Variants in PHYHD1 observed in about 807,000 individuals in gnomAD.
PHYHD1 encodes phytanoyl-CoA dioxygenase domain-containing protein 1.
A neutral mutation model predicts 43.6 loss-of-function variants in PHYHD1; 42 were observed. The ratio of observed to expected loss-of-function variants is 0.96; its 90% CI spans 0.75 to 1.25. The LOEUF (loss-of-function observed/expected upper bound fraction) is 1.25, where lower values mean the gene tolerates loss of function less well. Ranked by LOEUF, PHYHD1 falls within the 50% of genes most tolerant of loss-of-function variation. The pLI is 0.00. For missense variants in PHYHD1, 342 were observed against 370.8 expected, an observed-to-expected ratio of 0.92 and a Z score of 0.64; for synonymous variants, 139 against 143.6, an observed-to-expected ratio of 0.97 and a Z score of 0.23.
At chr9:128,922,181 G>T in intron 2 of PHYHD1, 102 bp from the exon 3 acceptor site, 1 of 894,134 alleles carries the variant, frequency 1.1e-6, no homozygotes, top group South Asian at 1.6e-5. Flanking sequence ...AGGCTGATCT[G>T]GCTGTGTCTA....
intron 4 of PHYHD1, among the ~76,000 whole-genome samples, chr9:128,932,829 T>C (rs962890712): frequency 6.6e-5 from 4 of 60,982 alleles, no homozygotes; most frequent in African/African-American, 2.8e-4. Context: ...CCTTATTTAT[T>C]TATTTATTTA....
intron 9 of PHYHD1, 108 bp downstream of exon 9, chr9:128,937,886 T>C: frequency 6.3e-7 from 1 of 1,583,148 alleles, no homozygotes; most frequent in East Asian, 2.3e-5. Flanking sequence ...CTGTCTGTTG[T>C]AGGAGCCTGG....
chr9:128,935,915 T>C (rs1841413448), intron 6 of PHYHD1, among the ~76,000 whole-genome samples: 1 of 151,880 alleles, frequency 6.6e-6, no homozygotes, highest in South Asian at 2.1e-4. Context: ...ACTAAATAAA[T>C]AAATAAAAAT....
Position 128,940,420 on chromosome 9 carries a change from T to C in PHYHD1, c.509T>C (p.Val170Ala). The C allele has an allele frequency of 6.2e-7, 1 of 1,614,128 alleles. No individual in the cohort carries two copies. The highest frequency in any genetic ancestry group is 8.5e-7 in the Non-Finnish European group (1 of 1,180,038). The change falls in exon 10 of 13, where the codon GTG becomes GCG. Residue 170 changes from valine to alanine, a missense_variant. Coordinates refer to ENST00000372592, the MANE Select transcript of PHYHD1 (RefSeq NM_001100876.2). ...CTGTACACGGAGCCCCTGGGCCGGGTGCTGGGCGTGTGGATCGCAGTGGAG... is the reference window on the plus strand; with the variant it reads ...CTGTACACGGAGCCCCTGGGCCGGGCGCTGGGCGTGTGGATCGCAGTGGAG... ...SFLYTEPLGR[V>A]LGVWIAVEDA...
chr9:128,930,865 C>A lies in PHYHD1; in HGVS notation c.193-2917C>A, dbSNP rs1416295585. On this transcript the variant is annotated intron_variant, in intron 4 of 12. Coordinates refer to ENST00000372592, the MANE Select transcript of PHYHD1 (RefSeq NM_001100876.2). ...TCGGGAGGCTGAGGCAGAAGAATGG[C>A]GTGAACCCGGGAGGCGGAGCTTGCA... Among the ~76,000 whole-genome samples the A allele has an allele frequency of 2.0e-5, 3 of 149,410 alleles. No individual in the cohort carries two copies. In the South Asian group the frequency reaches 6.4e-4, roughly 32 times the overall value.
At chr9:128,926,260 C>T (rs1048694289) in intron 3 of PHYHD1, among the ~76,000 whole-genome samples, 8 of 152,208 alleles carry the variant, frequency 5.3e-5, no homozygotes, top group African/African-American at 1.4e-4. Context: ...GACGGAGTTT[C>T]GCTTTTGTTG....
intron 5 of PHYHD1, 22 bp from the exon 6 acceptor site, chr9:128,933,989 T>A (rs1342304511): frequency 2.5e-6 from 4 of 1,613,552 alleles, no homozygotes; most frequent in Non-Finnish European, 3.4e-6. Flanking sequence ...TTCTCTGCCT[T>A]TATCTGTTCT....
intron 11 of PHYHD1, 117 bp downstream of exon 11, chr9:128,940,832 G>C: frequency 9.8e-7 from 1 of 1,016,784 alleles, no homozygotes; most frequent in Non-Finnish European, 1.4e-6. Flanking sequence ...TGAAGTCACA[G>C]AAAGAGAAGG....
chr9:128,926,839 C>T (rs781487389), intron 3 of PHYHD1, 199 bp from the exon 4 acceptor site: 6 of 718,234 alleles, frequency 8.4e-6, no homozygotes, highest in African/African-American at 3.5e-5. Context: ...CCACTGCACC[C>T]GGCCTCACTA....
rs190876895 is a variant in PHYHD1, at chr9:128,934,240, T to A, written c.316+182T>A. Among the ~76,000 whole-genome samples the A allele has an allele frequency of 5.3e-5, 8 of 151,366 alleles. No homozygotes were observed. In the East Asian group the frequency reaches 1.6e-3, roughly 30 times the overall value. On this transcript the variant is annotated intron_variant, in intron 6 of 12. Coordinates refer to ENST00000372592, the MANE Select transcript of PHYHD1 (RefSeq NM_001100876.2). ...CCATCTCTACTAAAAATAGAAAAAA[T>A]TAGGTGAGTGTAGTGGTGCACACCT...
At chr9:128,931,820 C>A (rs1050153784) in intron 4 of PHYHD1, among the ~76,000 whole-genome samples, 1 of 150,788 alleles carries the variant, frequency 6.6e-6, no homozygotes, top group African/African-American at 2.4e-5. Context: ...AGCCACCTCG[C>A]CCGGCCTTTC....
intron 6 of PHYHD1, among the ~76,000 whole-genome samples, chr9:128,935,531 C>T (rs1248244424): frequency 1.4e-5 from 2 of 145,422 alleles, no homozygotes; most frequent in African/African-American, 2.6e-5. Context: ...TGCACTCCAG[C>T]CTGGGCAACA....
chr9:128,941,868 AG>A lies in PHYHD1; in HGVS notation c.*159del, dbSNP rs1221305850. 1.0e-6 allele frequency: 1 copy of A among 990,794 alleles called. No individual in the cohort carries two copies. The highest frequency in any genetic ancestry group is 1.5e-6 in the Non-Finnish European group (1 of 672,668). 61.4% of individuals were successfully genotyped at this position (990,794 alleles called of 1,614,324 possible). On this transcript the variant is annotated 3_prime_UTR_variant, in exon 13 of 13. Coordinates refer to ENST00000372592, the MANE Select transcript of PHYHD1 (RefSeq NM_001100876.2). Reference sequence around the variant, plus strand: ...TGTGGGCAGCAGCCTAGGCTGGGTCAGGGGCTTCCCTAAGATCTTCACCTCT... The same window carrying A: ...TGTGGGCAGCAGCCTAGGCTGGGTCAGGGCTTCCCTAAGATCTTCACCTCT...
chr9:128,931,135 T>G (rs72758890), intron 4 of PHYHD1, among the ~76,000 whole-genome samples: 59,492 of 151,668 alleles, frequency 0.39, 11,855 homozygotes, highest in Admixed American at 0.43. Context: ...GTTTGAGATA[T>G]ATTTTCGCTC....
rs575102405 is a variant in PHYHD1 at position 128,921,083 on chromosome 9, G to A, written c.-745G>A. 3.7e-4 allele frequency: 57 copies of A among 152,368 alleles called. No homozygotes were observed. Among genetic ancestry groups the A allele is most frequent in the African/African-American group, 1.3e-3 (56 of 41,568 alleles). The allele number at this position is 152,368 out of a possible 1,614,324, so 9.4% of individuals were successfully genotyped here. A position where few individuals can be genotyped will look rare whatever the true frequency, so the allele number is the denominator to read the frequency against. ...AGGGCAAGCTGAGAAGGGTGGTGGT[G>A]TGCAAGTGTTATTCTCTCTTTTTGT... On this transcript the variant is annotated 5_prime_UTR_variant, in exon 1 of 13. It adds an upstream start codon to the 5' untranslated region. Coordinates refer to ENST00000372592, the MANE Select transcript of PHYHD1 (RefSeq NM_001100876.2).
rs974575718 is a variant in PHYHD1, at chr9:128,941,936, C to T, written c.*223C>T. Reference sequence around the variant, plus strand: ...CCAACATAGCCTTGAGGAGGCTTCTCAGCCACCAAAGGGTTCTGGCCCCTT... The same window carrying T: ...CCAACATAGCCTTGAGGAGGCTTCTTAGCCACCAAAGGGTTCTGGCCCCTT... On this transcript the variant is annotated 3_prime_UTR_variant, in exon 13 of 13. Coordinates refer to ENST00000372592, the MANE Select transcript of PHYHD1 (RefSeq NM_001100876.2). 4 of 612,228 alleles carry T rather than the reference C, an allele frequency of 6.5e-6. No individual in the cohort carries two copies. The highest frequency in any genetic ancestry group is 1.1e-5 in the Non-Finnish European group (4 of 349,270). The allele number at this position is 612,228 out of a possible 1,614,324, so 37.9% of individuals were successfully genotyped here. A position where few individuals can be genotyped will look rare whatever the true frequency, so the allele number is the denominator to read the frequency against.
chr9:128,931,669 C>T (rs1244042181), intron 4 of PHYHD1, among the ~76,000 whole-genome samples: 2 of 151,976 alleles, frequency 1.3e-5, no homozygotes, highest in African/African-American at 4.8e-5. Context: ...AGACTACAGG[C>T]GCCCGCCACC....
At chr9:128,941,625 G>A (rs1314370443) in intron 12 of PHYHD1, 43 bp from the exon 13 acceptor site, 30 of 1,614,092 alleles carry the variant, frequency 1.9e-5, no homozygotes, top group Non-Finnish European at 2.3e-5. Context: ...GCTGGGAACA[G>A]TGACCCTGCA....
chr9:128,941,187 C>T (rs1005064269), intron 11 of PHYHD1, among the ~76,000 whole-genome samples: 14 of 152,136 alleles, frequency 9.2e-5, no homozygotes, highest in African/African-American at 1.9e-4. Flanking sequence ...GCAAAGACCT[C>T]GGGAGGGGAG....
Sources: allele counts gnomAD v4.1 joint callset (sites outside exome capture counted in the v4.1 genomes callset), GRCh38; gene constraint gnomAD v4.1.1; transcripts MANE v1.5; gene names NCBI Gene and HGNC (gene_info 2026-07-23, HGNC 2026-07-21).